EXOC7: variants seen among roughly 807,000 people sequenced by gnomAD.
EXOC7 encodes exocyst complex component Exo70.
A neutral mutation model predicts 87.6 loss-of-function variants in EXOC7; 51 were observed. The observed-to-expected ratio is 0.58, with a 90% CI of 0.46 to 0.73. The LOEUF (loss-of-function observed/expected upper bound fraction) is 0.73. EXOC7 is among the 30% of genes least tolerant of loss of function. EXOC7 has a pLI of 0.00. For missense variants in EXOC7, 744 were observed against 888.4 expected (o/e 0.84, Z 2.07); for synonymous variants, 327 against 357.1 (o/e 0.92, Z 0.95).
At chr17:76,087,340 A>G in intron 12 of EXOC7, 1 of 451,122 alleles carries the variant, frequency 2.2e-6, no homozygotes, top group Non-Finnish European at 4.0e-6. Flanking sequence ...GACACGAGAG[A>G]AGGATTTGGG....
chr17:76,084,500 C>T lies in EXOC7; in HGVS notation c.1776+17G>A. On this transcript the variant is annotated intron_variant, in intron 16 of 18. Transcript: ENST00000589210. The stretch of plus-strand genomic sequence containing the variant: ...CGTCTGCCAGACACCCCTTCCCAGC[C>T]CAGGTCTTGAGCCCACCTTGACTCC... 6.2e-7 allele frequency: 1 copy of T among 1,613,456 alleles called. No homozygotes were observed. Among genetic ancestry groups the T allele is most frequent in the Non-Finnish European group, 8.5e-7 (1 of 1,179,720 alleles).
In EXOC7 at chr17:76,089,052, G is replaced by T; in HGVS notation, c.1047+123C>A. ...GAGGGGTGACGGGGAGGTGGTGAGC[G>T]TCCACCCAGGACCGGTCCCCAGGGC... On this transcript the variant is annotated intron_variant, in intron 8 of 18. Transcript: ENST00000589210. The T allele has an allele frequency of 1.0e-5, 15 of 1,492,646 alleles. No individual in the cohort carries two copies. The South Asian group carries it at 1.4e-4, about 14-fold the overall frequency. The allele number at this position is 1,492,646 out of a possible 1,614,324, so 92.5% of individuals were successfully genotyped here.
chr17:76,100,540 G>A (rs1362046872), intron 4 of EXOC7, among the ~76,000 whole-genome samples: 2 of 151,960 alleles, frequency 1.3e-5, no homozygotes, highest in Non-Finnish European at 2.9e-5. Flanking sequence ...GGCTGAGGCA[G>A]GGGAATCACT....
At chr17:76,103,545 C>G (rs2068184840) in intron 1 of EXOC7, 88 bp downstream of exon 1, 2 of 1,583,318 alleles carry the variant, frequency 1.3e-6, no homozygotes, top group Non-Finnish European at 1.7e-6. Flanking sequence ...TCCCTCCCAC[C>G]CCTGCCTCCT....
At chr17:76,087,449 G>C in intron 12 of EXOC7, 1 of 591,322 alleles carries the variant, frequency 1.7e-6, no homozygotes, top group Non-Finnish European at 3.0e-6. Flanking sequence ...GGGGCTGAGG[G>C]AGGGGCCAGA....
chr17:76,102,011 T>C, intron 2 of EXOC7, 148 bp from the exon 3 acceptor site: 2 of 600,758 alleles, frequency 3.3e-6, no homozygotes, highest in South Asian at 4.3e-5. Flanking sequence ...TGTTCCCCAC[T>C]GTATCTTCAG....
chr17:76,088,794 G>C lies in EXOC7; in HGVS notation c.1177C>G (p.Pro393Ala), dbSNP rs558270902. The change falls in exon 9 of 19, where the codon CCT becomes GCT. Residue 393 changes from proline (P) to alanine (A), a missense_variant. This residue lies in a region of EXOC7 where 512 missense variants were observed against 573.0 expected (regional missense o/e 0.89). Transcript: ENST00000589210. The stretch of plus-strand genomic sequence containing the variant: ...ACCTGGAGCACCTGGTCAAACTCAG[G>C]CTTGGTCTGCTTGAGGTGTCGCAGG... ...PILRHLKQTK[P>A]EFDQVLQGTA... The C allele has an allele frequency of 6.6e-5, 106 of 1,613,848 alleles. 2 individuals carry two copies. The South Asian group carries it at 1.1e-3, about 17-fold the overall frequency.
intron 1 of EXOC7, 41 bp from the exon 2 acceptor site, chr17:76,103,467 G>A (rs1443168211): frequency 1.3e-6 from 2 of 1,569,580 alleles, no homozygotes; most frequent in African/African-American, 1.4e-5. Context: ...GAAACCAGAA[G>A]CTAAAGGAGA....
Position 76,089,169 on chromosome 17 carries a change from C to G in EXOC7, c.1047+6G>C, listed in dbSNP as rs375477351. ...TGGCTGCAGAGCCCCCGGGGCGGGG[C>G]GGGACCTGTATCAGGGAGTCGAAGG... is the stretch of plus-strand genomic sequence containing the variant. On this transcript the variant is annotated splice_donor_region_variant and intron_variant, in intron 8 of 18. Transcript: ENST00000589210. 6.2e-7 allele frequency: 1 copy of G among 1,612,620 alleles called. No homozygotes were observed. The highest frequency in any genetic ancestry group is 1.7e-5 in the Admixed American group (1 of 60,018).
chr17:76,098,893 G>A (rs556812866), intron 4 of EXOC7, among the ~76,000 whole-genome samples: 4 of 150,554 alleles, frequency 2.7e-5, no homozygotes, highest in African/African-American at 4.9e-5. Context: ...AATACTGGCC[G>A]ATTATTTTCT....
intron 14 of EXOC7, 36 bp from the exon 15 acceptor site, chr17:76,085,445 G>A: frequency 6.3e-7 from 1 of 1,576,790 alleles, no homozygotes; most frequent in Non-Finnish European, 8.6e-7. Context: ...GAGGAGGACA[G>A]GATTGGCTCC....
chr17:76,087,887 C>T (rs2067285118), intron 11 of EXOC7, 167 bp from the exon 12 acceptor site: 1 of 935,790 alleles, frequency 1.1e-6, no homozygotes. Flanking sequence ...AAGGCCCTGT[C>T]TGCTAGAGAC....
intron 5 of EXOC7, among the ~76,000 whole-genome samples, chr17:76,096,665 T>G (rs1348000154): frequency 6.6e-6 from 1 of 152,188 alleles, no homozygotes; most frequent in Non-Finnish European, 1.5e-5. Flanking sequence ...CAAGAGATTC[T>G]CTTGCCTCAG....
chr17:76,087,488 G>A, intron 12 of EXOC7, 166 bp downstream of exon 12: 1 of 660,764 alleles, frequency 1.5e-6, no homozygotes, highest in East Asian at 2.7e-5. Context: ...GAAAGGTGCA[G>A]GCAAACCTTG....
Position 76,083,663 on chromosome 17 carries a change from G to C in EXOC7, c.2040C>G (p.Phe680Leu). 1 of 1,613,858 alleles carries C rather than the reference G, an allele frequency of 6.2e-7. No homozygotes were observed. The highest frequency in any genetic ancestry group is 8.5e-7 in the Non-Finnish European group (1 of 1,179,984). Residue 680 changes from phenylalanine (F) to leucine (L), a missense_variant, in exon 19 of 19, where the codon TTC (phenylalanine) becomes TTG (leucine). Physicochemically the swap from Phe to Leu is conservative, Grantham distance 22 (BLOSUM62 0). Transcript: ENST00000589210. ...EQVGDMIDRL[F>L]DTSA ...AGCAGCAGGCTCAGGCAGAGGTGTC[G>C]AAAAGGCGATCGATCATGTCGCCCA...
rs369557842 is a variant in EXOC7, at chr17:76,087,124, C to T, written c.1429+530G>A. ...AGAACTGCAGGCTGGAGGCTGCCCA[C>T]AGGCTCCTTGCCCCCAAAATGGGAC... On this transcript the variant is annotated intron_variant, in intron 12 of 18. Transcript: ENST00000589210. 1.6e-3 allele frequency among the ~76,000 whole-genome samples: 244 copies of T among 152,336 alleles called. 1 individual carries two copies. Among genetic ancestry groups the T allele is most frequent in the Middle Eastern group, 0.014 (4 of 294 alleles).
At chr17:76,090,982 C>T in intron 7 of EXOC7, 161 bp downstream of exon 7, 1 of 690,764 alleles carries the variant, frequency 1.4e-6, no homozygotes, top group South Asian at 1.7e-5. Context: ...CGAAACTGTC[C>T]CTGTGCCCGC....
intron 5 of EXOC7, 42 bp from the exon 6 acceptor site, chr17:76,094,623 T>C (rs1253748212): frequency 2.5e-6 from 4 of 1,577,728 alleles, no homozygotes; most frequent in Non-Finnish European, 3.5e-6. Context: ...TGCCAGGCCC[T>C]GTCTCTGCCT....
Position 76,081,256 on chromosome 17 carries a change from A to T in EXOC7, c.*2392T>A. Reference sequence around the variant, plus strand: ...CTGGGATCTCTCCTTCCTGGTTCATAGTTCTCATTCCCACCCCTCAGCGAT... The same window carrying T: ...CTGGGATCTCTCCTTCCTGGTTCATTGTTCTCATTCCCACCCCTCAGCGAT... On this transcript the variant is annotated 3_prime_UTR_variant, in exon 19 of 19. Transcript: ENST00000589210. The T allele has an allele frequency of 6.2e-7, 1 of 1,612,752 alleles. No individual in the cohort carries two copies. Among genetic ancestry groups the T allele is most frequent in the Non-Finnish European group, 8.5e-7 (1 of 1,179,736 alleles).
Sources: allele counts gnomAD v4.1 joint callset (sites outside exome capture counted in the v4.1 genomes callset), GRCh38; gene constraint gnomAD v4.1.1; regional missense constraint gnomAD v4.1.1; transcripts MANE v1.5; gene names NCBI Gene and HGNC (gene_info 2026-07-23, HGNC 2026-07-21).